Variants in ABCA13 observed in about 807,000 individuals in gnomAD.
ABCA13 encodes ATP-binding cassette sub-family A member 13.
Under a neutral mutation model 478.7 loss-of-function variants are expected in ABCA13, and 476 were observed. That is an observed-to-expected ratio of 0.99 (90% CI 0.92 to 1.07). The LOEUF (loss-of-function observed/expected upper bound fraction) is 1.07. Ranked by LOEUF, ABCA13 falls within the 50% of genes least tolerant of loss-of-function variation. The pLI is 0.00. For synonymous variants in ABCA13, 2,252 were observed against 2,158.9 expected (o/e 1.04, Z -1.20); for missense variants, 6,060 against 5,910.6 (o/e 1.03, Z -0.83).
chr7:48,597,973 A>G (rs1790471330), intron 58 of ABCA13, among the ~76,000 whole-genome samples: 1 of 152,190 alleles, frequency 6.6e-6, no homozygotes, highest in Admixed American at 6.5e-5. Context: ...AATCCAATTT[A>G]CATAGGGTTC....
intron 55 of ABCA13, among the ~76,000 whole-genome samples, chr7:48,554,994 T>G (rs2131219828): frequency 6.6e-6 from 1 of 151,896 alleles, no homozygotes; most frequent in African/African-American, 2.4e-5. Flanking sequence ...ATATGACTTT[T>G]ATTATGTTAA....
intron 3 of ABCA13, among the ~76,000 whole-genome samples, chr7:48,213,443 T>G (rs950686033): frequency 3.9e-5 from 6 of 152,224 alleles, no homozygotes; most frequent in African/African-American, 1.2e-4. Context: ...ACTTTATAGC[T>G]AAAAAATGCT....
At chr7:48,588,218 A>G (rs1249356154) in intron 57 of ABCA13, among the ~76,000 whole-genome samples, 1 of 152,234 alleles carries the variant, frequency 6.6e-6, no homozygotes, top group Admixed American at 6.5e-5. Context: ...TGCAATGTCC[A>G]AATTCCTAGA....
intron 13 of ABCA13, among the ~76,000 whole-genome samples, chr7:48,247,659 T>A (rs1791907456): frequency 6.6e-6 from 1 of 152,152 alleles, no homozygotes; most frequent in South Asian, 2.1e-4. Context: ...GCTAGGATAC[T>A]GAGACGAGGG....
intron 59 of ABCA13, among the ~76,000 whole-genome samples, chr7:48,638,603 G>A (rs1400213746): frequency 6.6e-6 from 1 of 152,164 alleles, no homozygotes; most frequent in Non-Finnish European, 1.5e-5. Flanking sequence ...ATTTGCATAT[G>A]CAATGATTGG....
intron 23 of ABCA13, among the ~76,000 whole-genome samples, chr7:48,305,243 A>G (rs547292024): frequency 2.6e-5 from 4 of 151,998 alleles, no homozygotes; most frequent in Admixed American, 1.3e-4. Context: ...AGCAGCTTTC[A>G]GGAAGTCAGA....
At chr7:48,595,400 G>A (rs1790177293) in intron 58 of ABCA13, among the ~76,000 whole-genome samples, 1 of 152,164 alleles carries the variant, frequency 6.6e-6, no homozygotes, top group South Asian at 2.1e-4. Flanking sequence ...AAATTCTAAT[G>A]ATGTAATAAA....
At chr7:48,414,678 G>C (rs58962910) in intron 41 of ABCA13, among the ~76,000 whole-genome samples, 2 of 151,738 alleles carry the variant, frequency 1.3e-5, no homozygotes, top group African/African-American at 2.4e-5. Context: ...GTGTTGCTCA[G>C]GCTGGTCTGG....
rs759757299 is a variant in ABCA13, at chr7:48,278,859, T to C, written c.7665T>C (p.Phe2555=). The change falls in exon 18 of 62, where the codon TTT becomes TTC. Residue 2555 remains phenylalanine, a synonymous_variant. Transcript: ENST00000435803. ...ISNTKDSVKF[F]DTLYSIMQQS... is the part of the protein sequence containing the mutation. ...ATACCAAGGACAGTGTGAAATTCTT[T>C]GACACTCTGTATTCCATCATGCAAC... The C allele has an allele frequency of 3.7e-6, 6 of 1,613,584 alleles. No homozygotes were observed. The South Asian group carries it at 5.5e-5, about 15-fold the overall frequency.
intron 41 of ABCA13, among the ~76,000 whole-genome samples, chr7:48,419,551 G>A (rs912803653): frequency 8.7e-6 from 1 of 114,348 alleles, no homozygotes; most frequent in Admixed American, 8.3e-5. Flanking sequence ...CACGTAACAT[G>A]CCTCTGCAAT....
At chr7:48,522,297 C>T (rs573038589) in intron 53 of ABCA13, among the ~76,000 whole-genome samples, 62 of 152,272 alleles carry the variant, frequency 4.1e-4, no homozygotes, top group Middle Eastern at 3.4e-3. Flanking sequence ...CACTTCCTTG[C>T]TGTCCTTCCC....
chr7:48,255,688 C>G (rs998892018), intron 15 of ABCA13, among the ~76,000 whole-genome samples: 2 of 152,012 alleles, frequency 1.3e-5, no homozygotes, highest in East Asian at 3.9e-4. Flanking sequence ...TATGTACCAC[C>G]TTTTCTTTAT....
chr7:48,245,669 C>G (rs530353492), intron 12 of ABCA13, 57 bp downstream of exon 12: 3 of 1,549,632 alleles, frequency 1.9e-6, no homozygotes, highest in Non-Finnish European at 2.6e-6. Context: ...TCAAGAAGCT[C>G]ATGCAATATT....
At chr7:48,446,486 A>T (rs1824325171) in intron 42 of ABCA13, among the ~76,000 whole-genome samples, 1 of 151,672 alleles carries the variant, frequency 6.6e-6, no homozygotes, top group African/African-American at 2.4e-5. Flanking sequence ...CTTTACATAC[A>T]GTTCTGTTCC....
rs1347573314 is a variant in ABCA13 at position 48,524,345 on chromosome 7, AT to A, written c.14151del (p.Val4719CysfsTer35). Reference protein sequence around the residue: ...RVFEGRTNGDILVLYNLSKHY... With the variant: ...RVFEGRTNGDXLVLYNLSKHY... Reference sequence around the variant, plus strand: ...GTTTGAAGGAAGGACCAATGGAGACATTCTTGTGTTATACAACCTTAGTAAA... The same window carrying A: ...GTTTGAAGGAAGGACCAATGGAGACATCTTGTGTTATACAACCTTAGTAAA... On this transcript the variant is annotated frameshift_variant, in exon 54 of 62. Coordinates refer to ENST00000435803, the MANE Select transcript of ABCA13 (RefSeq NM_152701.5). LOFTEE classifies it high-confidence loss of function. 1 of 1,613,168 alleles carries A rather than the reference AT, an allele frequency of 6.2e-7. No individual in the cohort carries two copies. The highest frequency in any genetic ancestry group is 2.2e-5 in the East Asian group (1 of 44,762).
At chr7:48,597,392 GT>G (rs1382906404) in intron 58 of ABCA13, among the ~76,000 whole-genome samples, 3 of 152,098 alleles carry the variant, frequency 2.0e-5, no homozygotes, top group Non-Finnish European at 2.9e-5. Context: ...TGTTTCCAGT[GT>G]TTTGCTATTA....
intron 27 of ABCA13, 93 bp downstream of exon 27, chr7:48,317,389 T>G: frequency 7.3e-7 from 1 of 1,361,440 alleles, no homozygotes; most frequent in South Asian, 1.4e-5. Context: ...TTATGCGCCT[T>G]GGATTATGTA....
At chr7:48,391,730 A>G (rs965591999) in intron 37 of ABCA13, among the ~76,000 whole-genome samples, 191 bp from the exon 38 acceptor site, 2 of 152,160 alleles carry the variant, frequency 1.3e-5, no homozygotes, top group Admixed American at 1.3e-4. Flanking sequence ...TGTTAAACTC[A>G]CATTTTCAAC....
Position 48,366,243 on chromosome 7 carries a change from T to A in ABCA13, c.10689-1551T>A, listed in dbSNP as rs561677164. Among the ~76,000 whole-genome samples the A allele has an allele frequency of 2.7e-4, 41 of 151,940 alleles. 1 individual carries two copies. The highest frequency in any genetic ancestry group is 8.9e-4 in the African/African-American group (37 of 41,482). On this transcript the variant is annotated intron_variant, in intron 31 of 61. Coordinates refer to ENST00000435803, the MANE Select transcript of ABCA13 (RefSeq NM_152701.5). ...TTGCTCCAACCTCTGGTCCTTGCCC[T>A]TTTTTTTCCTTTGCCTGGAGCAGTC...
Sources: gnomAD v4.1 joint callset for allele counts (sites outside exome capture counted in the v4.1 genomes callset) on GRCh38, gnomAD v4.1.1 for gene constraint, MANE v1.5 for transcripts, NCBI Gene and HGNC (gene_info 2026-07-23, HGNC 2026-07-21) for gene names.